The following PRKN variants were observed in gnomAD, a reference collection of about 807,000 sequenced individuals.
PRKN encodes the protein E3 ubiquitin-protein ligase parkin.
A neutral mutation model predicts 59.5 loss-of-function variants in PRKN; 56 were observed. The observed-to-expected ratio is 0.94, with a 90% CI of 0.76 to 1.18. The LOEUF (loss-of-function observed/expected upper bound fraction) is 1.18. Among genes scored for constraint, PRKN ranks in the 50% most tolerant of loss-of-function variants. The probability of loss-of-function intolerance (pLI) is 0.00; values close to 1 mark genes in which losing one functional copy is unlikely to be tolerated. For missense variants in PRKN, 657 were observed against 596.4 expected (o/e 1.10, Z -1.06); for synonymous variants, 250 against 222.1 (o/e 1.13, Z -1.12).
intron 4 of PRKN, among the ~76,000 whole-genome samples, chr6:162,141,335 A>G (rs374817691): frequency 6.6e-5 from 10 of 152,284 alleles, no homozygotes; most frequent in South Asian, 4.1e-4. Context: ...CTTTGAAAGT[A>G]TATAACTAAG....
At position 162,612,393 on chromosome 6, in the gene PRKN, G is replaced by A. The variant is rs1309830661; in HGVS notation, c.7+115269C>T. Among the ~76,000 whole-genome samples the A allele has an allele frequency of 2.6e-5, 4 of 151,686 alleles. No individual in the cohort carries two copies. In the East Asian group the frequency reaches 7.8e-4, roughly 29 times the overall value. On this transcript the variant is annotated intron_variant, in intron 1 of 11. Transcript: ENST00000366898. ...TTGGAAGGGATCAGGCCGGACGAAGGTTTAGACATGTTAACACTGGGGAAA... is the reference window on the plus strand; with the variant it reads ...TTGGAAGGGATCAGGCCGGACGAAGATTTAGACATGTTAACACTGGGGAAA...
At chr6:162,125,845 T>C (rs2128306800) in intron 4 of PRKN, among the ~76,000 whole-genome samples, 1 of 152,286 alleles carries the variant, frequency 6.6e-6, no homozygotes, top group Non-Finnish European at 1.5e-5. Context: ...AAGACATGTC[T>C]TGTCTAGGTT....
Position 162,356,240 on chromosome 6 carries a change from G to A in PRKN, c.171+87070C>T, listed in dbSNP as rs142286131. Among the ~76,000 whole-genome samples, 708 of 152,218 alleles carry A rather than the reference G, an allele frequency of 4.7e-3. 5 individuals carry two copies. The highest frequency in any genetic ancestry group is 0.016 in the African/African-American group (645 of 41,536). On this transcript the variant is annotated intron_variant, in intron 2 of 11. Coordinates refer to ENST00000366898, the MANE Select transcript of PRKN (RefSeq NM_004562.3). ...CTACGTAATGTAGAAAGCAGAAAAT[G>A]TTCTTGCAGCTTTAATCTTCTCTAA...
chr6:161,930,747 G>T (rs564993681), intron 6 of PRKN, among the ~76,000 whole-genome samples: 2 of 152,324 alleles, frequency 1.3e-5, no homozygotes, highest in East Asian at 3.9e-4. Flanking sequence ...ATATGATGAG[G>T]ATCCTGAATC....
intron 5 of PRKN, among the ~76,000 whole-genome samples, chr6:162,009,818 C>A (rs977973450): frequency 2.0e-5 from 3 of 151,720 alleles, no homozygotes; most frequent in Non-Finnish European, 2.9e-5. Flanking sequence ...CACCTGTAAT[C>A]CCAGCTACTC....
At chr6:161,596,107 G>A (rs1303970852) in intron 7 of PRKN, among the ~76,000 whole-genome samples, 1 of 152,162 alleles carries the variant, frequency 6.6e-6, no homozygotes, top group Non-Finnish European at 1.5e-5. Context: ...GCTGCCAGCT[G>A]TACAAAGCTT....
intron 6 of PRKN, among the ~76,000 whole-genome samples, chr6:161,832,783 G>A (rs986295228): frequency 4.0e-5 from 6 of 151,872 alleles, no homozygotes; most frequent in African/African-American, 7.3e-5. Flanking sequence ...CATTCTCTAC[G>A]GTCTGTCTGG....
intron 2 of PRKN, among the ~76,000 whole-genome samples, chr6:162,356,618 T>C (rs546731711): frequency 3.1e-4 from 47 of 151,702 alleles, no homozygotes; most frequent in African/African-American, 1.0e-3. Flanking sequence ...ACAAACTGAT[T>C]CTAAAGCTTA....
intron 1 of PRKN, among the ~76,000 whole-genome samples, chr6:162,591,622 C>CT (rs1307331435): frequency 1.3e-5 from 2 of 151,746 alleles, no homozygotes; most frequent in African/African-American, 2.4e-5. Flanking sequence ...AATATATAAG[C>CT]TTTTTTTTCC....
At chr6:161,422,587 T>C (rs367921366) in intron 9 of PRKN, among the ~76,000 whole-genome samples, 5 of 152,324 alleles carry the variant, frequency 3.3e-5, no homozygotes, top group Admixed American at 2.0e-4. Flanking sequence ...ATAGATGCTC[T>C]GTTTATGCTT....
intron 1 of PRKN, among the ~76,000 whole-genome samples, chr6:162,502,048 T>C (rs1257593385): frequency 6.6e-6 from 1 of 152,292 alleles, no homozygotes; most frequent in African/African-American, 2.4e-5. Flanking sequence ...AAATGCACCA[T>C]TTTGTTTGTT....
At chr6:162,536,243 T>C (rs1778712182) in intron 1 of PRKN, among the ~76,000 whole-genome samples, 1 of 152,126 alleles carries the variant, frequency 6.6e-6, no homozygotes, top group South Asian at 2.1e-4. Flanking sequence ...CAGCAATGCC[T>C]TCACTATAAG....
intron 8 of PRKN, among the ~76,000 whole-genome samples, chr6:161,553,066 CTT>C (rs990703433): frequency 1.3e-5 from 2 of 152,064 alleles, no homozygotes; most frequent in African/African-American, 2.4e-5. Context: ...TAATCACTCT[CTT>C]GTTTTTCTTT....
intron 1 of PRKN, among the ~76,000 whole-genome samples, chr6:162,461,983 T>G (rs1791200738): frequency 6.6e-6 from 1 of 152,146 alleles, no homozygotes; most frequent in African/African-American, 2.4e-5. Context: ...AGACACAGTT[T>G]AGGAATTACT....
chr6:162,103,028 G>T (rs1780040491), intron 4 of PRKN, among the ~76,000 whole-genome samples: 1 of 144,142 alleles, frequency 6.9e-6, no homozygotes, highest in African/African-American at 2.6e-5. Flanking sequence ...GGGCGAAAGA[G>T]CGAGACTCTG....
At chr6:162,057,492 T>C (rs560215086) in intron 4 of PRKN, among the ~76,000 whole-genome samples, 1 of 152,302 alleles carries the variant, frequency 6.6e-6, no homozygotes, top group South Asian at 2.1e-4. Context: ...ATTCACTCGA[T>C]AAAAGTTACA....
In PRKN at chr6:161,747,710, A is replaced by T. The variant is rs932201879; in HGVS notation, c.871+38062T>A. ...CCACAAGGTTACTGCAAAACATGGT[A>T]ATTAGACGGTTGTAATATAAGGTGT... is the stretch of plus-strand genomic sequence containing the variant. On this transcript the variant is annotated intron_variant, in intron 7 of 11. Coordinates refer to ENST00000366898, the MANE Select transcript of PRKN (RefSeq NM_004562.3). Among the ~76,000 whole-genome samples, 15 of 152,344 alleles carry T rather than the reference A, an allele frequency of 9.8e-5. No homozygotes were observed. In the East Asian group the frequency reaches 1.9e-3, roughly 20 times the overall value.
At chr6:161,398,920 C>T (rs577101429) in intron 9 of PRKN, among the ~76,000 whole-genome samples, 7 of 152,144 alleles carry the variant, frequency 4.6e-5, no homozygotes, top group Admixed American at 6.5e-5. Context: ...ACCCTCAAGC[C>T]TGGAAACCCA....
intron 6 of PRKN, among the ~76,000 whole-genome samples, chr6:161,939,734 G>C (rs1016284182): frequency 6.6e-6 from 1 of 151,102 alleles, no homozygotes; most frequent in African/African-American, 2.4e-5. Context: ...CCTCATCTCA[G>C]AAAAAAATAA....
Sources: allele counts gnomAD v4.1 joint callset (sites outside exome capture counted in the v4.1 genomes callset), GRCh38; gene constraint gnomAD v4.1.1; transcripts MANE v1.5; gene names NCBI Gene and HGNC (gene_info 2026-07-23, HGNC 2026-07-21).